Variants in SLC35F4 observed in about 807,000 individuals in gnomAD.
SLC35F4 encodes the protein chromosome 14 open reading frame 36.
SLC35F4 carries 24 observed loss-of-function variants against 44.2 expected under a neutral mutation model. The ratio of observed to expected loss-of-function variants is 0.54; its 90% CI spans 0.39 to 0.76. The LOEUF (loss-of-function observed/expected upper bound fraction) is 0.76, where lower values mean the gene tolerates loss of function less well. Among genes scored for constraint, SLC35F4 ranks in the 30% least tolerant of loss-of-function variants. The probability of loss-of-function intolerance (pLI) is 0.00; values close to 1 mark genes in which losing one functional copy is unlikely to be tolerated. For synonymous variants in SLC35F4, 238 were observed against 223.6 expected, an observed-to-expected ratio of 1.06 and a Z score of -0.57; for missense variants, 562 against 586.1, an observed-to-expected ratio of 0.96 and a Z score of 0.42.
chr14:57,947,165 T>C (rs1890050116), intron 1 of SLC35F4, among the ~76,000 whole-genome samples: 1 of 152,140 alleles, frequency 6.6e-6, no homozygotes, highest in African/African-American at 2.4e-5. Flanking sequence ...TTCAGCAGTG[T>C]TTTGTAGTTT....
intron 1 of SLC35F4, among the ~76,000 whole-genome samples, chr14:57,956,887 C>T (rs1184307853): frequency 1.3e-5 from 2 of 152,106 alleles, no homozygotes; most frequent in Middle Eastern, 3.2e-3. Flanking sequence ...GTGTGGCAAT[C>T]CTCAAGGATC....
chr14:57,662,636 C>T (rs527325732), intron 1 of SLC35F4, among the ~76,000 whole-genome samples: 1 of 152,264 alleles, frequency 6.6e-6, no homozygotes, highest in Admixed American at 6.5e-5. Context: ...ACTTCCCAGC[C>T]TCCAGAACCA....
At chr14:57,676,049 T>C (rs1035252139) in intron 1 of SLC35F4, among the ~76,000 whole-genome samples, 15 of 151,750 alleles carry the variant, frequency 9.9e-5, no homozygotes, top group Non-Finnish European at 5.9e-5. Context: ...TGGAAGAAAA[T>C]ATTCACAAAC....
At chr14:57,764,292 G>T (rs566331218) in intron 1 of SLC35F4, among the ~76,000 whole-genome samples, 1 of 151,856 alleles carries the variant, frequency 6.6e-6, no homozygotes, top group South Asian at 2.1e-4. Context: ...ATACCCTTTT[G>T]GTCTCCTTGC....
intron 6 of SLC35F4, among the ~76,000 whole-genome samples, chr14:57,567,014 C>T (rs1357666395): frequency 6.6e-6 from 1 of 152,212 alleles, no homozygotes; most frequent in African/African-American, 2.4e-5. Context: ...ATAGCCTATG[C>T]TGTTTTATTC....
chr14:57,861,167 C>A (rs1342851991), intron 1 of SLC35F4, among the ~76,000 whole-genome samples: 1 of 152,176 alleles, frequency 6.6e-6, no homozygotes, highest in Non-Finnish European at 1.5e-5. Flanking sequence ...CCTTCTCTAT[C>A]CTCCAGCCTC....
At chr14:57,767,250 TATAGAACTGTACAGTCA>T (rs1595003026) in intron 1 of SLC35F4, among the ~76,000 whole-genome samples, 2 of 152,236 alleles carry the variant, frequency 1.3e-5, no homozygotes, top group East Asian at 3.8e-4. Flanking sequence ...AATTGGCATG[TATAGAACTGTACAGTCA>T]ATAACAGCAG....
chr14:57,684,052 C>G (rs1446065438), intron 1 of SLC35F4, among the ~76,000 whole-genome samples: 1 of 152,112 alleles, frequency 6.6e-6, no homozygotes, highest in Non-Finnish European at 1.5e-5. Context: ...AGTGAGCAAG[C>G]CTCTCCAGCC....
chr14:57,947,708 C>T (rs1165463491), intron 1 of SLC35F4, among the ~76,000 whole-genome samples: 2 of 152,130 alleles, frequency 1.3e-5, no homozygotes. Context: ...CCATCTACAC[C>T]AATTTTGCTG....
At chr14:57,630,027 G>A (rs1321400255) in intron 1 of SLC35F4, 12 of 534,796 alleles carry the variant, frequency 2.2e-5, no homozygotes, top group Non-Finnish European at 2.7e-5. Flanking sequence ...TGTATGTTCC[G>A]CTTGATTTCT....
In SLC35F4 at chr14:57,625,671, G is replaced by A. The variant is rs574395660; in HGVS notation, c.104-31547C>T. On this transcript the variant is annotated intron_variant, in intron 1 of 7. Transcript: ENST00000556826. ...GCACATCTACAACCATCTGGTCTTC[G>A]ACAAACCTGACAAAAACAAGCAATG... is the stretch of plus-strand genomic sequence containing the variant. Among the ~76,000 whole-genome samples, 266 of 152,214 alleles carry A rather than the reference G, an allele frequency of 1.7e-3. 4 individuals carry two copies. Among genetic ancestry groups the A allele is most frequent in the Non-Finnish European group, 2.2e-3 (147 of 68,010 alleles).
chr14:57,944,695 A>AAAAGAAAGAAAGAAAG lies in SLC35F4; in HGVS notation n.282+37202_282+37217dup, dbSNP rs141697627. ...AGAAAGAAAAAGAAAAGAAAGAAAG[A>AAAAGAAAGAAAGAAAG]AAAGAAAGAAAGAAAGAAAGAAAGA... On this transcript the variant is annotated intron_variant and non_coding_transcript_variant, in intron 1 of 1. Coordinates refer to the SLC35F4 transcript ENST00000556568. 1.7e-3 allele frequency among the ~76,000 whole-genome samples: 194 copies of AAAAGAAAGAAAGAAAG among 116,060 alleles called. 1 individual carries two copies. Among genetic ancestry groups the AAAAGAAAGAAAGAAAG allele is most frequent in the Middle Eastern group, 7.8e-3 (2 of 256 alleles). The allele number at this position is 116,060 out of a possible 152,430, so 76.1% of individuals were successfully genotyped here. A position where few individuals can be genotyped will look rare whatever the true frequency, so the allele number is the denominator to read the frequency against.
At chr14:57,622,331 G>T (rs1228787262) in intron 1 of SLC35F4, among the ~76,000 whole-genome samples, 1 of 143,726 alleles carries the variant, frequency 7.0e-6, no homozygotes, top group Non-Finnish European at 1.5e-5. Flanking sequence ...TATACCCAAA[G>T]GACTATAAAT....
At chr14:57,973,631 G>A (rs1881119896), downstream of SLC35F4, among the ~76,000 whole-genome samples, 1 of 151,688 alleles carries the variant, frequency 6.6e-6, no homozygotes, top group South Asian at 2.1e-4. Context: ...GAGTTGGGAG[G>A]GACATTAGAG....
intron 1 of SLC35F4, among the ~76,000 whole-genome samples, chr14:57,771,035 G>A (rs2077350941): frequency 1.3e-5 from 2 of 152,092 alleles, no homozygotes; most frequent in Non-Finnish European, 1.5e-5. Flanking sequence ...ATTCTCACAG[G>A]AACTCTGTCT....
intron 1 of SLC35F4, among the ~76,000 whole-genome samples, chr14:57,594,632 T>C (rs1294405267): frequency 6.6e-6 from 1 of 152,130 alleles, no homozygotes; most frequent in Non-Finnish European, 1.5e-5. Context: ...CTTAACACAG[T>C]CAAATAGTTT....
chr14:57,579,906 A>G (rs1455314286), intron 4 of SLC35F4, among the ~76,000 whole-genome samples: 1 of 152,150 alleles, frequency 6.6e-6, no homozygotes, highest in Non-Finnish European at 1.5e-5. Context: ...GCAGATCTTG[A>G]AAAGAACAGT....
chr14:57,672,230 G>T (rs997678833), intron 1 of SLC35F4, among the ~76,000 whole-genome samples: 1 of 151,986 alleles, frequency 6.6e-6, no homozygotes, highest in African/African-American at 2.4e-5. Flanking sequence ...GTCACCCCTT[G>T]TATCACCTTG....
downstream of SLC35F4, among the ~76,000 whole-genome samples, chr14:57,972,445 T>A (rs1401248137): frequency 1.3e-5 from 2 of 151,968 alleles, no homozygotes; most frequent in Admixed American, 6.6e-5. Context: ...TTGAGCTAAA[T>A]TTTTGAGATA....
Sources: gnomAD v4.1 joint callset for allele counts (sites outside exome capture counted in the v4.1 genomes callset) on GRCh38, gnomAD v4.1.1 for gene constraint, MANE v1.5 for transcripts, NCBI Gene and HGNC (gene_info 2026-07-23, HGNC 2026-07-21) for gene names.